Variants in SLC26A7 observed in about 807,000 individuals in gnomAD.
SLC26A7 encodes the protein anion exchange transporter.
A neutral mutation model predicts 82.5 loss-of-function variants in SLC26A7; 59 were observed. That is an observed-to-expected ratio of 0.72 (90% CI 0.58 to 0.89). The LOEUF (loss-of-function observed/expected upper bound fraction) is 0.89. Among genes scored for constraint, SLC26A7 ranks in the 40% least tolerant of loss-of-function variants. The pLI is 0.00. For missense variants in SLC26A7, 820 were observed against 793.0 expected (o/e 1.03, Z -0.41); for synonymous variants, 271 against 274.3 (o/e 0.99, Z 0.12).
chr8:91,254,759 A>G (rs1276730962), intron 2 of SLC26A7, among the ~76,000 whole-genome samples: 1 of 152,198 alleles, frequency 6.6e-6, no homozygotes, highest in Non-Finnish European at 1.5e-5. Context: ...AATATTTCCT[A>G]GAAACCACTT....
At chr8:91,224,092 G>A (rs1459498923) in intron 2 of SLC26A7, among the ~76,000 whole-genome samples, 1 of 151,870 alleles carries the variant, frequency 6.6e-6, no homozygotes, top group African/African-American at 2.4e-5. Context: ...CTTTTATCAA[G>A]GTTCTTAGCT....
At chr8:91,210,562 G>GACACACACACACACACACACAC (rs35968986) in intron 1 of SLC26A7, among the ~76,000 whole-genome samples, 9 of 146,100 alleles carry the variant, frequency 6.2e-5, no homozygotes, top group African/African-American at 2.0e-4. Context: ...CACACACACA[G>GACACACACACACACACACACAC]ACACACACAC....
chr8:91,319,687 A>G (rs1014103392), intron 5 of SLC26A7, among the ~76,000 whole-genome samples: 1 of 152,216 alleles, frequency 6.6e-6, no homozygotes, highest in African/African-American at 2.4e-5. Context: ...TTTCAGTGAC[A>G]GCAGGTCTAC....
At chr8:91,217,753 A>G (rs529551414) in intron 1 of SLC26A7, among the ~76,000 whole-genome samples, 1 of 152,324 alleles carries the variant, frequency 6.6e-6, no homozygotes, top group South Asian at 2.1e-4. Flanking sequence ...AGGAAAAACC[A>G]AGACGTCCAC....
chr8:91,223,794 G>A (rs1202972709), intron 2 of SLC26A7, among the ~76,000 whole-genome samples: 1 of 152,064 alleles, frequency 6.6e-6, no homozygotes, highest in African/African-American at 2.4e-5. Context: ...TATTCTCCCT[G>A]TCTCCTTCTG....
At chr8:91,347,108 G>A (rs1313339739) in intron 9 of SLC26A7, among the ~76,000 whole-genome samples, 1 of 152,168 alleles carries the variant, frequency 6.6e-6, no homozygotes, top group Non-Finnish European at 1.5e-5. Flanking sequence ...CCTGGCATGT[G>A]GTAGGTGTTA....
intron 13 of SLC26A7, among the ~76,000 whole-genome samples, chr8:91,365,328 A>C: frequency 6.6e-6 from 1 of 151,690 alleles, no homozygotes; most frequent in East Asian, 1.9e-4. Flanking sequence ...AAAATTGCAA[A>C]AAAGTCTCAT....
intron 9 of SLC26A7, among the ~76,000 whole-genome samples, chr8:91,344,775 A>T (rs886827507): frequency 2.6e-5 from 4 of 152,170 alleles, no homozygotes; most frequent in African/African-American, 7.2e-5. Context: ...TTTGATTTTC[A>T]AGTGTAGGGT....
In SLC26A7 at chr8:91,381,782, G is replaced by A. The variant is rs997112861; in HGVS notation, c.1676-7556G>A. On this transcript the variant is annotated intron_variant, in intron 15 of 18. Transcript: ENST00000276609. ...TCTCTTGTTCAAGTAACGCCCTGCT[G>A]TACTCTCCTATGCTTTAAATGCTGA... 2.0e-5 allele frequency among the ~76,000 whole-genome samples: 3 copies of A among 152,050 alleles called. No homozygotes were observed. In the East Asian group the frequency reaches 5.8e-4, roughly 29 times the overall value.
At chr8:91,352,707 A>AAT (rs1813750824) in intron 10 of SLC26A7, among the ~76,000 whole-genome samples, 194 bp from the exon 11 acceptor site, 1 of 152,058 alleles carries the variant, frequency 6.6e-6, no homozygotes, top group Non-Finnish European at 1.5e-5. Flanking sequence ...TGAATTCTAG[A>AAT]ATATATATTA....
chr8:91,326,656 TG>T, intron 5 of SLC26A7, among the ~76,000 whole-genome samples: 1 of 152,346 alleles, frequency 6.6e-6, no homozygotes, highest in Middle Eastern at 3.4e-3. Context: ...ATACTTTCTT[TG>T]AGTTGTCTCA....
chr8:91,285,027 C>T (rs1300968918), intron 2 of SLC26A7, among the ~76,000 whole-genome samples: 1 of 152,174 alleles, frequency 6.6e-6, no homozygotes, highest in Admixed American at 6.5e-5. Context: ...GGAATTTATT[C>T]TTGAGGCTAG....
intron 4 of SLC26A7, among the ~76,000 whole-genome samples, chr8:91,298,525 G>A (rs1812076687): frequency 2.6e-5 from 4 of 152,092 alleles, no homozygotes; most frequent in East Asian, 1.9e-4. Flanking sequence ...GTATTAATAC[G>A]ATCTTCAAGC....
chr8:91,253,562 C>A (rs1303929879), intron 2 of SLC26A7, among the ~76,000 whole-genome samples: 1 of 152,018 alleles, frequency 6.6e-6, no homozygotes, highest in Non-Finnish European at 1.5e-5. Context: ...ATTTAATGAA[C>A]CTATATTTTC....
chr8:91,352,816 C>CA (rs1198341140), intron 10 of SLC26A7, 85 bp from the exon 11 acceptor site: 5 of 1,116,028 alleles, frequency 4.5e-6, no homozygotes, highest in Non-Finnish European at 5.2e-6. Context: ...ACTTTAAAAA[C>CA]AAAAAAATAA....
chr8:91,235,292 G>A (rs1201257562), intron 2 of SLC26A7, among the ~76,000 whole-genome samples: 2 of 152,060 alleles, frequency 1.3e-5, no homozygotes, highest in African/African-American at 4.8e-5. Flanking sequence ...AGTCCCTAAA[G>A]TCCTAAAAAT....
At chr8:91,254,726 A>G (rs1407176910) in intron 2 of SLC26A7, among the ~76,000 whole-genome samples, 12 of 152,158 alleles carry the variant, frequency 7.9e-5, no homozygotes, top group Admixed American at 7.2e-4. Context: ...AAGAAACTTC[A>G]GGTCCTTCTT....
At chr8:91,370,274 C>T (rs1044450801) in intron 15 of SLC26A7, among the ~76,000 whole-genome samples, 1 of 150,774 alleles carries the variant, frequency 6.6e-6, no homozygotes, top group Non-Finnish European at 1.5e-5. Context: ...CAATCTCCTC[C>T]TCCCATTTTC....
chr8:91,282,886 C>T (rs4330648), intron 2 of SLC26A7, among the ~76,000 whole-genome samples: 104,942 of 152,014 alleles, frequency 0.69, 36,794 homozygotes, highest in Non-Finnish European at 0.76. Flanking sequence ...TAAATTTGTC[C>T]CCTCCTCAGG....
Sources: gnomAD v4.1 joint callset for allele counts (sites outside exome capture counted in the v4.1 genomes callset) on GRCh38, gnomAD v4.1.1 for gene constraint, MANE v1.5 for transcripts, NCBI Gene and HGNC (gene_info 2026-07-23, HGNC 2026-07-21) for gene names.